KBTBD11: variants seen among roughly 807,000 people sequenced by gnomAD.
KBTBD11 encodes the protein kelch repeat and BTB domain-containing protein 11.
For synonymous variants in KBTBD11, 747 were observed against 499.0 expected, an observed-to-expected ratio of 1.50 and a Z score of -6.63; for missense variants, 1,390 against 1,001.8, an observed-to-expected ratio of 1.39 and a Z score of -5.23.
At chr8:1,978,153 C>T (rs558580470) in intron 1 of KBTBD11, among the ~76,000 whole-genome samples, 19 of 152,322 alleles carry the variant, frequency 1.2e-4, no homozygotes, top group East Asian at 5.8e-4. Flanking sequence ...GCTCTCCCTC[C>T]GCCGCCCTCT....
chr8:2,001,404 C>A lies in KBTBD11; in HGVS notation c.212C>A (p.Pro71Gln). Residue 71 changes from proline to glutamine, a missense_variant, in exon 2 of 2, where the codon CCG (proline) becomes CAG (glutamine). Physicochemically the swap from Pro to Gln is moderately conservative, Grantham distance 76. Coordinates refer to ENST00000320248, the MANE Select transcript of KBTBD11 (RefSeq NM_014867.3). ...ACCTCCCCGCCCTCCAGCGGTGGCC[C>A]GCGGGTGGTGGAGCGGCAGTGGGAG... ...AATSPPSSGG[P>Q]RVVERQWEAG... The A allele has an allele frequency of 7.1e-7, 1 of 1,406,228 alleles. No individual in the cohort carries two copies. The highest frequency in any genetic ancestry group is 9.2e-7 in the Non-Finnish European group (1 of 1,083,784). The allele number at this position is 1,406,228 out of a possible 1,614,324, so 87.1% of individuals were successfully genotyped here.
In KBTBD11 at chr8:2,001,961, T is replaced by C; in HGVS notation, c.769T>C (p.Cys257Arg). Residue 257 changes from cysteine (C) to arginine (R), a missense_variant, in exon 2 of 2, where the codon TGC (cysteine) becomes CGC (arginine). Transcript: ENST00000320248. ...GAACGAGCTGCGCGACGCCGCCTAC[T>C]GCTTCATGAGCGACCACTATCTGGA... ...RLNELRDAAY[C>R]FMSDHYLEVL... is the part of the protein sequence containing the mutation. 1.4e-6 allele frequency: 2 copies of C among 1,473,662 alleles called. No individual in the cohort carries two copies. The highest frequency in any genetic ancestry group is 9.0e-7 in the Non-Finnish European group (1 of 1,109,428). 91.3% of individuals were successfully genotyped at this position (1,473,662 alleles called of 1,614,324 possible).
chr8:1,984,736 A>C (rs1426092205), intron 1 of KBTBD11, among the ~76,000 whole-genome samples: 2 of 152,184 alleles, frequency 1.3e-5, no homozygotes, highest in African/African-American at 4.8e-5. Flanking sequence ...GATGTGGCAG[A>C]CTTTTGAAAC....
intron 1 of KBTBD11, among the ~76,000 whole-genome samples, chr8:1,992,171 G>C (rs1816943313): frequency 6.6e-6 from 1 of 152,126 alleles, no homozygotes; most frequent in Non-Finnish European, 1.5e-5. Context: ...GCCGGGCTTT[G>C]TCACTGCCTG....
chr8:1,991,706 G>A (rs1397672926), intron 1 of KBTBD11, among the ~76,000 whole-genome samples: 1 of 152,026 alleles, frequency 6.6e-6, no homozygotes, highest in African/African-American at 2.4e-5. Context: ...CTTCCTGGGG[G>A]TCCTGCACTG....
intron 1 of KBTBD11, among the ~76,000 whole-genome samples, chr8:1,995,975 G>T (rs1332201986): frequency 6.6e-6 from 1 of 152,176 alleles, no homozygotes. Context: ...AGTGAGCCAT[G>T]CTTGTGTGAC....
Position 2,001,485 on chromosome 8 carries a change from C to T in KBTBD11, c.293C>T (p.Ala98Val), listed in dbSNP as rs896742613. 12 of 1,380,960 alleles carry T rather than the reference C, an allele frequency of 8.7e-6. No individual in the cohort carries two copies. Among genetic ancestry groups the T allele is most frequent in the Middle Eastern group, 2.6e-4 (1 of 3,814 alleles). 85.5% of individuals were successfully genotyped at this position (1,380,960 alleles called of 1,614,324 possible). The change falls in exon 2 of 2, where the codon GCG becomes GTG. Residue 98 changes from alanine (A) to valine (V), a missense_variant. Ala to Val is a moderately conservative substitution (Grantham distance 64). Transcript: ENST00000320248. Reference sequence around the variant, plus strand: ...GAGCTCGCGTCCCCTGAGGAGCGCGCGTGCCCGGAAGAGCCCGCGGCGCCG... The same window carrying T: ...GAGCTCGCGTCCCCTGAGGAGCGCGTGTGCCCGGAAGAGCCCGCGGCGCCG... ...PEELASPEER[A>V]CPEEPAAPSP...
chr8:1,996,323 A>G (rs544735525), intron 1 of KBTBD11, among the ~76,000 whole-genome samples: 6 of 152,056 alleles, frequency 3.9e-5, no homozygotes, highest in African/African-American at 1.4e-4. Flanking sequence ...CTGGAGTGCA[A>G]TGGCGTGATC....
At chr8:1,994,240 T>A (rs1355183199) in intron 1 of KBTBD11, among the ~76,000 whole-genome samples, 2 of 152,246 alleles carry the variant, frequency 1.3e-5, no homozygotes, top group Non-Finnish European at 2.9e-5. Context: ...GGGGGACAGC[T>A]GGTGGAGCGA....
At chr8:1,996,991 C>T (rs1164697921) in intron 1 of KBTBD11, among the ~76,000 whole-genome samples, 3 of 152,160 alleles carry the variant, frequency 2.0e-5, no homozygotes, top group East Asian at 1.9e-4. Context: ...GGAAACTGGT[C>T]ACTCCCTGTC....
Position 1,985,172 on chromosome 8 carries a change from C to T in KBTBD11, c.-909+11237C>T, listed in dbSNP as rs144709893. Among the ~76,000 whole-genome samples, 175 of 152,314 alleles carry T rather than the reference C, an allele frequency of 1.1e-3. 5 individuals are homozygous for T. The East Asian group carries it at 0.029, about 25-fold the overall frequency. ...ACCCCCAAAGAGGGTGGCCGATGGC[C>T]GAATGCAGGTGACCCGGCAGGAGAA... On this transcript the variant is annotated intron_variant, in intron 1 of 1. Coordinates refer to ENST00000320248, the MANE Select transcript of KBTBD11 (RefSeq NM_014867.3).
chr8:1,976,851 G>C (rs1474686949), intron 1 of KBTBD11, among the ~76,000 whole-genome samples: 1 of 152,206 alleles, frequency 6.6e-6, no homozygotes, highest in African/African-American at 2.4e-5. Context: ...CGGGAACATT[G>C]TGTGCAAAGG....
rs949934107 is a variant in KBTBD11, at chr8:1,982,765, C to G, written c.-909+8830C>G. On this transcript the variant is annotated intron_variant, in intron 1 of 1. Coordinates refer to ENST00000320248, the MANE Select transcript of KBTBD11 (RefSeq NM_014867.3). ...GAGCACTTTTTTTTTTTTTTTTAGA[C>G]AGGATCTCACTGTGTCACCCAGGCT... Among the ~76,000 whole-genome samples the G allele has an allele frequency of 2.4e-3, 361 of 147,428 alleles. 2 individuals carry two copies. The highest frequency in any genetic ancestry group is 8.6e-3 in the African/African-American group (338 of 39,512).
chr8:1,977,039 T>C (rs764495743), intron 1 of KBTBD11, among the ~76,000 whole-genome samples: 3 of 152,014 alleles, frequency 2.0e-5, no homozygotes, highest in Non-Finnish European at 4.4e-5. Flanking sequence ...CAGCTTTGAA[T>C]GAGGCCCAAC....
At chr8:1,978,127 AGCTCTTTATCCTGAT>A (rs1317769679) in intron 1 of KBTBD11, among the ~76,000 whole-genome samples, 8 of 152,196 alleles carry the variant, frequency 5.3e-5, no homozygotes, top group Non-Finnish European at 1.0e-4. Context: ...AGCAGGCATT[AGCTCTTTATCCTGAT>A]GCTCTCCCTC....
intron 1 of KBTBD11, among the ~76,000 whole-genome samples, chr8:1,982,611 T>G (rs181334901): frequency 3.3e-4 from 50 of 152,282 alleles, no homozygotes; most frequent in Admixed American, 9.8e-4. Flanking sequence ...GAGCTATGCT[T>G]ATATAAGATA....
intron 1 of KBTBD11, among the ~76,000 whole-genome samples, chr8:1,993,727 A>G (rs1464557733): frequency 6.6e-6 from 1 of 151,852 alleles, no homozygotes; most frequent in Non-Finnish European, 1.5e-5. Flanking sequence ...GTGCTAAAAT[A>G]AGACTTTCTC....
Position 2,002,532 on chromosome 8 carries a change from C to G in KBTBD11, c.1340C>G (p.Ala447Gly). 2 of 1,548,930 alleles carry G rather than the reference C, an allele frequency of 1.3e-6. No homozygotes were observed. The highest frequency in any genetic ancestry group is 1.7e-6 in the Non-Finnish European group (2 of 1,158,558). The change falls in exon 2 of 2, where the codon GCC becomes GGC. Residue 447 changes from alanine to glycine, a missense_variant. Physicochemically the swap from Ala to Gly is moderately conservative, Grantham distance 60. Transcript: ENST00000320248. The surrounding 1 kb of genome is among the most constrained non-coding windows in gnomAD (Gnocchi z 4.1). ...GCGCCGCTGCCCCGGGGCGCCTTCG[C>G]CGTGGCGCATGAGGCCACCACCTGC... ...PVAPLPRGAFAVAHEATTCHG... is the reference protein window; with the variant it reads ...PVAPLPRGAFGVAHEATTCHG...
rs1196456686 is a variant in KBTBD11, at chr8:2,001,153, G to A, written c.-40G>A. 2 of 1,296,374 alleles carry A rather than the reference G, an allele frequency of 1.5e-6. No homozygotes were observed. Among genetic ancestry groups the A allele is most frequent in the Non-Finnish European group, 2.0e-6 (2 of 1,023,074 alleles). The allele number at this position is 1,296,374 out of a possible 1,614,324, so 80.3% of individuals were successfully genotyped here. A position where few individuals can be genotyped will look rare whatever the true frequency, so the allele number is the denominator to read the frequency against. ...ACCTTGGCCAGACCTGCAGGCTGCG[G>A]AACCGGGGGCGCGCGGGCGCAGCGC... On this transcript the variant is annotated 5_prime_UTR_variant, in exon 2 of 2. Transcript: ENST00000320248.
Sources: allele counts gnomAD v4.1 joint callset (sites outside exome capture counted in the v4.1 genomes callset), GRCh38; gene constraint gnomAD v4.1.1; non-coding constraint Gnocchi (gnomAD v3.1); transcripts MANE v1.5; gene names NCBI Gene and HGNC (gene_info 2026-07-23, HGNC 2026-07-21).